RNGTT: variants seen among roughly 807,000 people sequenced by gnomAD.
RNGTT encodes the protein RNA guanylyltransferase and 5'-phosphatase.
Under a neutral mutation model 79.3 loss-of-function variants are expected in RNGTT, and 33 were observed. The ratio of observed to expected loss-of-function variants is 0.42; its 90% CI spans 0.32 to 0.56. The LOEUF (loss-of-function observed/expected upper bound fraction) is 0.56. Ranked by LOEUF, RNGTT falls within the 20% of genes least tolerant of loss-of-function variation. The probability of loss-of-function intolerance (pLI) is 0.17; values close to 1 mark genes in which losing one functional copy is unlikely to be tolerated. For missense variants in RNGTT, 497 were observed against 739.1 expected, an observed-to-expected ratio of 0.67 and a Z score of 3.80; for synonymous variants, 222 against 235.9, an observed-to-expected ratio of 0.94 and a Z score of 0.54.
At chr6:88,826,387 G>C (rs992202555) in intron 11 of RNGTT, among the ~76,000 whole-genome samples, 9 of 152,132 alleles carry the variant, frequency 5.9e-5, no homozygotes, top group African/African-American at 2.2e-4. Context: ...CGGCTTCACT[G>C]AAGTAATTTC....
chr6:88,915,171 A>G (rs189377483), intron 4 of RNGTT, among the ~76,000 whole-genome samples: 69 of 152,296 alleles, frequency 4.5e-4, no homozygotes, highest in African/African-American at 1.6e-3. Context: ...TGTTGGGGGG[A>G]ATGTAAGTTA....
chr6:88,618,444 C>A (rs1041236975), intron 14 of RNGTT, among the ~76,000 whole-genome samples: 8 of 152,144 alleles, frequency 5.3e-5, no homozygotes, highest in African/African-American at 1.9e-4. Context: ...TAATTTGTTA[C>A]TATGACAATA....
At chr6:88,906,549 T>A (rs1396618272) in intron 4 of RNGTT, 109 bp from the exon 5 acceptor site, 2 of 622,016 alleles carry the variant, frequency 3.2e-6, no homozygotes, top group African/African-American at 3.7e-5. Flanking sequence ...TATAAAATAA[T>A]TACATTTTTT....
At chr6:88,791,591 G>A (rs547062271) in intron 12 of RNGTT, among the ~76,000 whole-genome samples, 2 of 152,120 alleles carry the variant, frequency 1.3e-5, no homozygotes, top group East Asian at 1.9e-4. Context: ...CCAGGCTGGA[G>A]TGCAGTGGCA....
At chr6:88,636,810 A>G (rs1219667362) in intron 14 of RNGTT, among the ~76,000 whole-genome samples, 2 of 151,996 alleles carry the variant, frequency 1.3e-5, no homozygotes, top group East Asian at 1.9e-4. Flanking sequence ...TTCTTCACAG[A>G]TAACTATATA....
chr6:88,922,881 G>A (rs113514259), intron 4 of RNGTT, among the ~76,000 whole-genome samples: 3,407 of 152,088 alleles, frequency 0.022, 42 homozygotes, highest in Middle Eastern at 0.051. Context: ...TCCCTGATTC[G>A]CTCTTTTAAA....
At chr6:88,722,082 T>A (rs1436213336) in intron 13 of RNGTT, among the ~76,000 whole-genome samples, 1 of 151,184 alleles carries the variant, frequency 6.6e-6, no homozygotes, top group Non-Finnish European at 1.5e-5. Context: ...TTCACAAGAA[T>A]TCCATCACCT....
At chr6:88,955,213 T>G (rs767562143) in intron 1 of RNGTT, among the ~76,000 whole-genome samples, 1 of 152,084 alleles carries the variant, frequency 6.6e-6, no homozygotes, top group South Asian at 2.1e-4. Flanking sequence ...TCAAAACCTC[T>G]GAGACACAGC....
intron 14 of RNGTT, among the ~76,000 whole-genome samples, chr6:88,647,711 A>AAAAGAAAAAAAAAAAAAAG: frequency 6.7e-6 from 1 of 148,366 alleles, no homozygotes; most frequent in African/African-American, 2.6e-5. Flanking sequence ...TAAAAAAAAA[A>AAAAGAAAAAAAAAAAAAAG]AAAAAAGAAG....
chr6:88,856,254 A>G (rs1035660092), intron 8 of RNGTT, among the ~76,000 whole-genome samples: 1 of 152,204 alleles, frequency 6.6e-6, no homozygotes, highest in Non-Finnish European at 1.5e-5. Flanking sequence ...TTAAGCTAAT[A>G]AATGTTAGAA....
intron 13 of RNGTT, among the ~76,000 whole-genome samples, chr6:88,741,266 T>C (rs1188557514): frequency 6.6e-6 from 1 of 152,008 alleles, no homozygotes; most frequent in East Asian, 1.9e-4. Flanking sequence ...TACGCAGCCA[T>C]AAAAAAGAAG....
At chr6:88,714,466 G>T in intron 13 of RNGTT, 1 of 122,748 alleles carries the variant, frequency 8.1e-6, no homozygotes, top group South Asian at 2.5e-4. Flanking sequence ...TTTTTGAGAC[G>T]GAGTCTCGCT....
At chr6:88,760,021 G>C (rs944517454) in intron 13 of RNGTT, among the ~76,000 whole-genome samples, 1 of 151,948 alleles carries the variant, frequency 6.6e-6, no homozygotes, top group Non-Finnish European at 1.5e-5. Flanking sequence ...ATAAGCGAAA[G>C]GTACTAATGT....
At position 88,826,799 on chromosome 6, in the gene RNGTT, A is replaced by AATAT. The variant is rs1216141788; in HGVS notation, c.1269+17554_1269+17557dup. On this transcript the variant is annotated intron_variant, in intron 11 of 15. Coordinates refer to ENST00000369485, the MANE Select transcript of RNGTT (RefSeq NM_003800.5). ...ACCCTGTCTCAAAAGAAAAAAAAAAAATATATATATATATATATGTGTGTG... is the reference window on the plus strand; with the variant it reads ...ACCCTGTCTCAAAAGAAAAAAAAAAAATATATATATATATATATATATGTGTGTG... 7.1e-3 allele frequency among the ~76,000 whole-genome samples: 906 copies of AATAT among 126,906 alleles called. 16 individuals are homozygous for AATAT. The highest frequency in any genetic ancestry group is 0.025 in the African/African-American group (807 of 32,326). The allele number at this position is 126,906 out of a possible 152,430, so 83.3% of individuals were successfully genotyped here.
intron 14 of RNGTT, among the ~76,000 whole-genome samples, chr6:88,633,115 A>G (rs1271361050): frequency 6.6e-6 from 1 of 152,188 alleles, no homozygotes; most frequent in Non-Finnish European, 1.5e-5. Flanking sequence ...CTGAAATATC[A>G]TGACATATTA....
At chr6:88,908,602 G>A (rs1562314595) in intron 4 of RNGTT, among the ~76,000 whole-genome samples, 1 of 152,074 alleles carries the variant, frequency 6.6e-6, no homozygotes, top group African/African-American at 2.4e-5. Flanking sequence ...AAGGAACCCT[G>A]GGGCACCACA....
chr6:88,718,241 G>C (rs979206583), intron 13 of RNGTT, among the ~76,000 whole-genome samples: 8 of 152,024 alleles, frequency 5.3e-5, no homozygotes, highest in Non-Finnish European at 1.2e-4. Flanking sequence ...ACAAAAATCA[G>C]CCGGGCGTAG....
intron 13 of RNGTT, among the ~76,000 whole-genome samples, chr6:88,689,358 G>C (rs1321623336): frequency 6.6e-6 from 1 of 152,122 alleles, no homozygotes; most frequent in Non-Finnish European, 1.5e-5. Context: ...CCAGCACTTT[G>C]GGAGGTGGGC....
chr6:88,890,631 G>C, intron 7 of RNGTT, 35 bp from the exon 8 acceptor site: 1 of 1,452,972 alleles, frequency 6.9e-7, no homozygotes, highest in Non-Finnish European at 9.6e-7. Flanking sequence ...ATCGTGGCTG[G>C]TATCCATACA....
Sources: allele counts gnomAD v4.1 joint callset (sites outside exome capture counted in the v4.1 genomes callset), GRCh38; gene constraint gnomAD v4.1.1; transcripts MANE v1.5; gene names NCBI Gene and HGNC (gene_info 2026-07-23, HGNC 2026-07-21).